The following ANO10 variants were observed in gnomAD, a reference collection of about 807,000 sequenced individuals.
ANO10 encodes anoctamin 10, also known as anoctamin-10.
Under a neutral mutation model 74.7 loss-of-function variants are expected in ANO10, and 77 were observed. The ratio of observed to expected loss-of-function variants is 1.03; its 90% CI spans 0.86 to 1.25. ANO10 has a LOEUF of 1.25. ANO10 is among the 50% of genes most tolerant of loss of function. ANO10 has a pLI of 0.00. For synonymous variants in ANO10, 279 were observed against 284.9 expected, an observed-to-expected ratio of 0.98 and a Z score of 0.21; for missense variants, 721 against 778.1, an observed-to-expected ratio of 0.93 and a Z score of 0.87.
chr3:43,597,423 T>A (rs1007700091), intron 4 of ANO10, among the ~76,000 whole-genome samples: 5 of 152,166 alleles, frequency 3.3e-5, no homozygotes, highest in Admixed American at 1.3e-4. Context: ...CATGGAATAC[T>A]ATGCAGCCAT....
intron 11 of ANO10, among the ~76,000 whole-genome samples, chr3:43,517,505 CATG>C (rs1337695943): frequency 6.6e-5 from 10 of 152,008 alleles, no homozygotes; most frequent in Non-Finnish European, 1.5e-4. Context: ...AGGGTGGGGC[CATG>C]ATATGATAGG....
At chr3:43,448,750 A>G (rs560073197) in intron 11 of ANO10, among the ~76,000 whole-genome samples, 1 of 152,332 alleles carries the variant, frequency 6.6e-6, no homozygotes, top group African/African-American at 2.4e-5. Flanking sequence ...AAGTATGCTT[A>G]GTTTTCTAAG....
chr3:43,621,209 T>C (rs1489905209), intron 1 of ANO10, among the ~76,000 whole-genome samples: 3 of 152,184 alleles, frequency 2.0e-5, no homozygotes, highest in African/African-American at 7.2e-5. Flanking sequence ...CGCACACCAA[T>C]GCTGGTGCTG....
chr3:43,495,920 C>A (rs974319134), intron 11 of ANO10, among the ~76,000 whole-genome samples: 1 of 152,062 alleles, frequency 6.6e-6, no homozygotes, highest in Non-Finnish European at 1.5e-5. Context: ...CCAGGATGGT[C>A]TCGATCTCCT....
chr3:43,548,736 G>A (rs376187422), intron 11 of ANO10, among the ~76,000 whole-genome samples: 16 of 152,112 alleles, frequency 1.1e-4, no homozygotes, highest in South Asian at 2.1e-4. Context: ...AAAATGAAAG[G>A]TGGTTACAAT....
At position 43,600,312 on chromosome 3, in the gene ANO10, T is replaced by C. The variant is rs181160570; in HGVS notation, c.337+72A>G. 306 of 1,568,700 alleles carry C rather than the reference T, an allele frequency of 2.0e-4. 1 individual carries two copies. In the African/African-American group the frequency reaches 3.0e-3, roughly 15 times the overall value. On this transcript the variant is annotated intron_variant, in intron 3 of 12. Coordinates refer to ENST00000292246, the MANE Select transcript of ANO10 (RefSeq NM_018075.5). ...CCCTTTACTGAAAAAAGTTTGCTGA[T>C]CCCTGATCTATTCATCATAAACTTC...
intron 11 of ANO10, among the ~76,000 whole-genome samples, chr3:43,440,255 G>C (rs1414781155): frequency 1.3e-5 from 2 of 151,978 alleles, no homozygotes; most frequent in Non-Finnish European, 2.9e-5. Flanking sequence ...ACATAGAGTG[G>C]CTGAATGGAT....
intron 11 of ANO10, among the ~76,000 whole-genome samples, chr3:43,549,121 G>A (rs1330694209): frequency 6.8e-6 from 1 of 146,880 alleles, no homozygotes; most frequent in African/African-American, 2.5e-5. Flanking sequence ...TTTTTTTTAA[G>A]GGACAGTGTC....
chr3:43,432,244 T>C (rs886189218), intron 12 of ANO10, among the ~76,000 whole-genome samples: 1 of 152,076 alleles, frequency 6.6e-6, no homozygotes, highest in African/African-American at 2.4e-5. Flanking sequence ...TGAAAGCTAT[T>C]ATTCAGGATT....
At chr3:43,505,582 C>T (rs1334281612) in intron 11 of ANO10, among the ~76,000 whole-genome samples, 1 of 152,224 alleles carries the variant, frequency 6.6e-6, no homozygotes, top group African/African-American at 2.4e-5. Context: ...AATGATATAA[C>T]ACATTTTCTT....
chr3:43,663,144 T>C (rs558763743), intron 1 of ANO10, among the ~76,000 whole-genome samples: 1 of 152,332 alleles, frequency 6.6e-6, no homozygotes, highest in African/African-American at 2.4e-5. Context: ...AAATCCTCAA[T>C]AAAATGCTGG....
intron 11 of ANO10, among the ~76,000 whole-genome samples, chr3:43,463,515 G>A (rs1483979837): frequency 6.6e-6 from 1 of 152,214 alleles, no homozygotes; most frequent in East Asian, 1.9e-4. Context: ...GGAGTCAAAG[G>A]AGATCATTTT....
intron 11 of ANO10, among the ~76,000 whole-genome samples, chr3:43,465,231 T>C (rs2149037746): frequency 6.6e-6 from 1 of 152,314 alleles, no homozygotes; most frequent in African/African-American, 2.4e-5. Flanking sequence ...ACAATGGATA[T>C]ATATTCTGGG....
intron 9 of ANO10, among the ~76,000 whole-genome samples, chr3:43,557,154 GA>G (rs923636081): frequency 1.1e-3 from 160 of 144,088 alleles, no homozygotes; most frequent in African/African-American, 3.0e-3. Context: ...TAAAATGAAG[GA>G]AAAAAAAAAA....
At chr3:43,505,595 C>T (rs148220497) in intron 11 of ANO10, among the ~76,000 whole-genome samples, 42 of 152,282 alleles carry the variant, frequency 2.8e-4, no homozygotes, top group Middle Eastern at 3.4e-3. Flanking sequence ...ATTTTCTTCA[C>T]GTGCTCTTTC....
chr3:43,565,752 A>AT lies in ANO10; in HGVS notation c.1219-26dup, dbSNP rs764694967. 134 of 1,488,362 alleles carry AT rather than the reference A, an allele frequency of 9.0e-5. 3 individuals carry two copies. Among genetic ancestry groups the AT allele is most frequent in the South Asian group, 4.3e-4 (35 of 81,826 alleles). 92.2% of individuals were successfully genotyped at this position (1,488,362 alleles called of 1,614,324 possible). A position where few individuals can be genotyped will look rare whatever the true frequency, so the allele number is the denominator to read the frequency against. On this transcript the variant is annotated intron_variant, in intron 7 of 12. Transcript: ENST00000292246. ...ACTGCCAAAAAAAAAAAAAAAAAAG[A>AT]TAAGTGTTAAGCACTGCTTTAGAGT... is the stretch of plus-strand genomic sequence containing the variant.
At chr3:43,541,224 C>T (rs2078939998) in intron 11 of ANO10, among the ~76,000 whole-genome samples, 2 of 152,202 alleles carry the variant, frequency 1.3e-5, no homozygotes, top group Admixed American at 6.5e-5. Flanking sequence ...CTTAATCAAA[C>T]CTTTCAATTA....
At chr3:43,590,307 G>C (rs2081671934) in intron 4 of ANO10, among the ~76,000 whole-genome samples, 1 of 152,046 alleles carries the variant, frequency 6.6e-6, no homozygotes, top group East Asian at 1.9e-4. Flanking sequence ...TTTATCCTAA[G>C]AAAATACTCT....
At chr3:43,557,667 G>A (rs1017884162) in intron 9 of ANO10, among the ~76,000 whole-genome samples, 5 of 150,004 alleles carry the variant, frequency 3.3e-5, no homozygotes, top group East Asian at 2.0e-4. Flanking sequence ...CCTGGGAGGC[G>A]GAGCTTGCAG....
Sources: gnomAD v4.1 joint callset for allele counts (sites outside exome capture counted in the v4.1 genomes callset) on GRCh38, gnomAD v4.1.1 for gene constraint, MANE v1.5 for transcripts, NCBI Gene and HGNC (gene_info 2026-07-23, HGNC 2026-07-21) for gene names.